MRPL45: variants seen among roughly 807,000 people sequenced by gnomAD.
The protein encoded by MRPL45 is mitochondrial ribosomal protein L45, also known as large ribosomal subunit protein mL45.
Under a neutral mutation model 38.1 loss-of-function variants are expected in MRPL45, and 20 were observed. The observed-to-expected ratio is 0.53, with a 90% CI of 0.37 to 0.76. The LOEUF is 0.76. Among genes scored for constraint, MRPL45 ranks in the 30% least tolerant of loss-of-function variants. MRPL45 has a pLI of 0.00. For missense variants in MRPL45, 337 were observed against 395.6 expected (o/e 0.85, Z 1.26); for synonymous variants, 105 against 128.8 (o/e 0.82, Z 1.25).
intron 4 of MRPL45, among the ~76,000 whole-genome samples, chr17:38,315,663 G>C: frequency 6.6e-6 from 1 of 151,520 alleles, no homozygotes; most frequent in South Asian, 2.1e-4. Context: ...TATCTTGCTA[G>C]GAGGTTTTTG....
At chr17:38,313,647 G>A (rs919693483) in intron 4 of MRPL45, among the ~76,000 whole-genome samples, 32 of 150,146 alleles carry the variant, frequency 2.1e-4, no homozygotes, top group Non-Finnish European at 3.4e-4. Context: ...CCTTTTGTAC[G>A]TCTTCTTTGA....
intron 4 of MRPL45, among the ~76,000 whole-genome samples, chr17:38,311,893 G>A (rs2037115958): frequency 6.6e-6 from 1 of 152,032 alleles, no homozygotes; most frequent in Non-Finnish European, 1.5e-5. Flanking sequence ...TTTTGTTACA[G>A]CATCCTGAAC....
chr17:38,311,331 C>T (rs1255434159), intron 4 of MRPL45, among the ~76,000 whole-genome samples: 6 of 152,098 alleles, frequency 3.9e-5, no homozygotes, highest in Non-Finnish European at 8.8e-5. Context: ...GTGGGGGGCC[C>T]TCTGGGAGGT....
intron 4 of MRPL45, among the ~76,000 whole-genome samples, chr17:38,309,887 C>T (rs1330927865): frequency 1.3e-5 from 2 of 152,138 alleles, no homozygotes; most frequent in African/African-American, 2.4e-5. Flanking sequence ...TCCACTTTCT[C>T]GTCTCCTTGT....
At chr17:38,320,467 G>A (rs2037218317) in intron 5 of MRPL45, 151 bp from the exon 6 acceptor site, 9 of 751,814 alleles carry the variant, frequency 1.2e-5, no homozygotes, top group East Asian at 2.5e-5. Context: ...AACTTGAGAA[G>A]GTGCAAGAGA....
rs925468934 is a variant in MRPL45 at position 38,313,055 on chromosome 17, G to A, written c.462-5632G>A. On this transcript the variant is annotated intron_variant, in intron 4 of 7. Transcript: ENST00000613675. The stretch of plus-strand genomic sequence containing the variant: ...GCTGGAGTGCAGTGGCACAATCTTG[G>A]CTCACTGCAAGCTCCGCCTGCCGGG... Among the ~76,000 whole-genome samples the A allele has an allele frequency of 9.1e-5, 12 of 131,534 alleles. No individual in the cohort carries two copies. The Admixed American group carries it at 9.5e-4, about 10-fold the overall frequency. The allele number at this position is 131,534 out of a possible 152,430, so 86.3% of individuals were successfully genotyped here. A position where few individuals can be genotyped will look rare whatever the true frequency, so the allele number is the denominator to read the frequency against.
Position 38,317,724 on chromosome 17 carries a change from A to G in MRPL45, c.462-963A>G, listed in dbSNP as rs149107800. On this transcript the variant is annotated intron_variant, in intron 4 of 7. Coordinates refer to ENST00000613675, the MANE Select transcript of MRPL45 (RefSeq NM_032351.6). ...GTAGCTGGGACTACAGGCGCCTGCT[A>G]CTACTCTCGGCTAATTTTTTTTGTA... is the stretch of plus-strand genomic sequence containing the variant. Among the ~76,000 whole-genome samples, 521 of 151,932 alleles carry G rather than the reference A, an allele frequency of 3.4e-3. 3 individuals carry two copies. The highest frequency in any genetic ancestry group is 0.012 in the African/African-American group (500 of 41,438).
chr17:38,317,871 C>G (rs2037190366), intron 4 of MRPL45, among the ~76,000 whole-genome samples: 1 of 151,988 alleles, frequency 6.6e-6, no homozygotes, highest in African/African-American at 2.4e-5. Context: ...CCATGCCCGG[C>G]TGTTTTGTGT....
intron 3 of MRPL45, among the ~76,000 whole-genome samples, chr17:38,300,789 A>G (rs1182601843): frequency 6.6e-6 from 1 of 152,128 alleles, no homozygotes; most frequent in Non-Finnish European, 1.5e-5. Context: ...TCTACTAAAA[A>G]TGCAAAATTA....
intron 4 of MRPL45, among the ~76,000 whole-genome samples, chr17:38,311,555 G>A (rs1162625847): frequency 5.3e-5 from 8 of 151,978 alleles, no homozygotes; most frequent in Admixed American, 3.9e-4. Flanking sequence ...GTGTGGTGGC[G>A]TGTACCTGTA....
chr17:38,297,737 G>T (rs1426668421), intron 1 of MRPL45, among the ~76,000 whole-genome samples: 1 of 152,110 alleles, frequency 6.6e-6, no homozygotes. Flanking sequence ...CTCCCGATAG[G>T]ATGAGCAAAA....
chr17:38,320,135 G>A (rs577927797), intron 5 of MRPL45, among the ~76,000 whole-genome samples: 1 of 152,140 alleles, frequency 6.6e-6, no homozygotes, highest in East Asian at 1.9e-4. Flanking sequence ...AAGAACTTGG[G>A]TTTCTATCAG....
chr17:38,300,125 T>G (rs1457491137), intron 3 of MRPL45, among the ~76,000 whole-genome samples: 1 of 148,648 alleles, frequency 6.7e-6, no homozygotes, highest in East Asian at 2.0e-4. Flanking sequence ...TTCAAGAGAT[T>G]CTCCTGCCTC....
intron 4 of MRPL45, 22 bp from the exon 5 acceptor site, chr17:38,318,665 T>C: frequency 6.4e-7 from 1 of 1,571,066 alleles, no homozygotes; most frequent in Non-Finnish European, 8.8e-7. Flanking sequence ...TAGTCAATGA[T>C]ATTTATTGCT....
At position 38,318,758 on chromosome 17, in the gene MRPL45, A is replaced by G. The variant is rs762687214; in HGVS notation, c.510+23A>G. 3.8e-6 allele frequency: 6 copies of G among 1,569,338 alleles called. No homozygotes were observed. In the South Asian group the frequency reaches 6.7e-5, roughly 17 times the overall value. ...CCAGTAAGTTCTCATCCTCCTTAGA[A>G]CTGTGGGGTGACTGAGTGGGCAGAT... On this transcript the variant is annotated intron_variant, in intron 5 of 7. Coordinates refer to ENST00000613675, the MANE Select transcript of MRPL45 (RefSeq NM_032351.6).
intron 3 of MRPL45, among the ~76,000 whole-genome samples, chr17:38,303,635 C>T (rs372872454): frequency 1.1e-3 from 156 of 145,782 alleles, no homozygotes; most frequent in East Asian, 4.2e-3. Flanking sequence ...CAAGAAATCC[C>T]TCCTGGAGTC....
chr17:38,322,626 G>A lies in MRPL45; in HGVS notation c.*31G>A. The A allele has an allele frequency of 6.4e-7, 1 of 1,558,642 alleles. No individual in the cohort carries two copies. The highest frequency in any genetic ancestry group is 8.8e-7 in the Non-Finnish European group (1 of 1,134,780). Reference sequence around the variant, plus strand: ...AAAATGACTTCTAGGGTGAAGCCTGGGTGATGAGGCTGCTGGAAGCTTTGA... The same window carrying A: ...AAAATGACTTCTAGGGTGAAGCCTGAGTGATGAGGCTGCTGGAAGCTTTGA... On this transcript the variant is annotated 3_prime_UTR_variant, in exon 8 of 8. Transcript: ENST00000613675.
intron 3 of MRPL45, among the ~76,000 whole-genome samples, chr17:38,302,116 C>CAAAAAA (rs67699213): frequency 9.3e-5 from 7 of 75,558 alleles, no homozygotes; most frequent in Admixed American, 2.1e-4. Flanking sequence ...GACTCCGTCT[C>CAAAAAA]AAAAAAAAAA....
rs1437893452 is a variant in MRPL45 at position 38,320,712 on chromosome 17, T to C, written c.605T>C (p.Met202Thr). The change falls in exon 6 of 8, where the codon ATG (methionine) becomes ACG (threonine). Residue 202 changes from methionine to threonine, a missense_variant. Physicochemically the swap from Met to Thr is moderately conservative, Grantham distance 81 (BLOSUM62 -1). Coordinates refer to ENST00000613675, the MANE Select transcript of MRPL45 (RefSeq NM_032351.6). The part of the protein sequence containing the change: ...SHVVQVRCSS[M>T]MNQGNVYGQI... The stretch of plus-strand genomic sequence containing the variant: ...GTTGTTCAAGTTCGCTGTTCAAGTA[T>C]GATGAACCAGGGCAACGTGTACGGC... 1 of 1,614,156 alleles carries C rather than the reference T, an allele frequency of 6.2e-7. No homozygotes were observed. Among genetic ancestry groups the C allele is most frequent in the Non-Finnish European group, 8.5e-7 (1 of 1,180,010 alleles).
Sources: gnomAD v4.1 joint callset for allele counts (sites outside exome capture counted in the v4.1 genomes callset) on GRCh38, gnomAD v4.1.1 for gene constraint, MANE v1.5 for transcripts, NCBI Gene and HGNC (gene_info 2026-07-23, HGNC 2026-07-21) for gene names.